COL23A1: variants seen among roughly 807,000 people sequenced by gnomAD.
COL23A1 encodes collagen alpha-1(XXIII) chain.
Under a neutral mutation model 99.3 loss-of-function variants are expected in COL23A1, and 97 were observed. That is an observed-to-expected ratio of 0.98 (90% confidence interval 0.83 to 1.16). The LOEUF is 1.16. Ranked by LOEUF, COL23A1 falls within the 50% of genes most tolerant of loss-of-function variation. The probability of loss-of-function intolerance (pLI) is 0.00; values close to 1 mark genes in which losing one functional copy is unlikely to be tolerated. For missense variants in COL23A1, 762 were observed against 757.4 expected (o/e 1.01, Z -0.07); for synonymous variants, 320 against 308.2 (o/e 1.04, Z -0.40).
chr5:178,496,616 G>A (rs1758214133), intron 2 of COL23A1, among the ~76,000 whole-genome samples: 1 of 152,198 alleles, frequency 6.6e-6, no homozygotes, highest in East Asian at 1.9e-4. Context: ...AGCTATTTAG[G>A]TAGATATGCT....
intron 2 of COL23A1, among the ~76,000 whole-genome samples, chr5:178,409,503 T>TGA (rs990651478): frequency 3.3e-5 from 5 of 152,146 alleles, no homozygotes; most frequent in African/African-American, 4.8e-5. Context: ...TGTGTGTGTG[T>TGA]GATAAAATGG....
chr5:178,380,706 G>C (rs961436787), intron 2 of COL23A1, among the ~76,000 whole-genome samples: 1 of 152,230 alleles, frequency 6.6e-6, no homozygotes, highest in South Asian at 2.1e-4. Context: ...GGACGGCCGG[G>C]ACAGAGGCAG....
chr5:178,294,892 A>C (rs1561835305), intron 3 of COL23A1, among the ~76,000 whole-genome samples: 2 of 152,374 alleles, frequency 1.3e-5, no homozygotes, highest in East Asian at 3.9e-4. Flanking sequence ...CTATAATCCC[A>C]GCACTTTGGG....
chr5:178,582,231 A>C (rs930003978), intron 1 of COL23A1, among the ~76,000 whole-genome samples: 1 of 150,740 alleles, frequency 6.6e-6, no homozygotes, highest in East Asian at 1.9e-4. Flanking sequence ...AAAAAAAAAA[A>C]AGGAAGGGAG....
At chr5:178,441,013 A>G (rs1356858628) in intron 2 of COL23A1, among the ~76,000 whole-genome samples, 3 of 152,164 alleles carry the variant, frequency 2.0e-5, no homozygotes, top group African/African-American at 7.2e-5. Flanking sequence ...AAGTTACGAA[A>G]CAGATTTCAA....
chr5:178,238,611 A>G lies in COL23A1; in HGVS notation c.*87T>C, dbSNP rs1013562164. 13 of 1,553,226 alleles carry G rather than the reference A, an allele frequency of 8.4e-6. No homozygotes were observed. Among genetic ancestry groups the G allele is most frequent in the Non-Finnish European group, 1.2e-5 (13 of 1,128,178 alleles). ...AAGGCCACAGGTAGCGCATTCCATG[A>G]AAAAAGATCAATATATTACTGTTTT... On this transcript the variant is annotated 3_prime_UTR_variant, in exon 29 of 29. Coordinates refer to ENST00000390654, the MANE Select transcript of COL23A1 (RefSeq NM_173465.4).
chr5:178,590,186 G>A lies in COL23A1; in HGVS notation c.12C>T (p.Gly4=), dbSNP rs1486404370. MGP[G]ERAGGGGDAG... ...CGTCGCCGCCGCCACCGGCGCGCTC[G>A]CCTGGGCCCATGGCGCGTTCGTCGC... The change falls in exon 1 of 29, where the codon GGC becomes GGT. Residue 4 remains glycine (G), a synonymous_variant. Coordinates refer to ENST00000390654, the MANE Select transcript of COL23A1 (RefSeq NM_173465.4). The surrounding 1 kb of genome is among the most constrained non-coding windows in gnomAD (Gnocchi z 5.7). 2.5e-6 allele frequency: 3 copies of A among 1,215,790 alleles called. No homozygotes were observed. The highest frequency in any genetic ancestry group is 3.1e-6 in the Non-Finnish European group (3 of 980,850). The allele number at this position is 1,215,790 out of a possible 1,614,324, so 75.3% of individuals were successfully genotyped here.
At chr5:178,583,285 C>A (rs574590693) in intron 1 of COL23A1, among the ~76,000 whole-genome samples, 1 of 152,224 alleles carries the variant, frequency 6.6e-6, no homozygotes, top group South Asian at 2.1e-4. Flanking sequence ...GAGTTTCATG[C>A]CACTGAGGTG....
intron 2 of COL23A1, among the ~76,000 whole-genome samples, chr5:178,512,621 G>A (rs1008128391): frequency 5.3e-5 from 8 of 152,174 alleles, no homozygotes; most frequent in African/African-American, 1.2e-4. Context: ...TGCCCTGGGC[G>A]GCACCCTCTC....
intron 1 of COL23A1, among the ~76,000 whole-genome samples, chr5:178,572,966 T>C (rs73804312): frequency 0.018 from 2,742 of 152,266 alleles, 75 homozygotes; most frequent in African/African-American, 0.061. Flanking sequence ...AAAGAGTGTG[T>C]TATTCCACCC....
chr5:178,265,504 A>C (rs1581483248), intron 8 of COL23A1, among the ~76,000 whole-genome samples: 1 of 152,148 alleles, frequency 6.6e-6, no homozygotes, highest in African/African-American at 2.4e-5. Context: ...ACTGGAGCAG[A>C]TCCTGGGAGA....
In COL23A1 at chr5:178,468,311, G is replaced by A. The variant is rs1421165788; in HGVS notation, c.361+92371C>T. Reference sequence around the variant, plus strand: ...AGGTCTAAATCCAAGCTCATTAATAGGCCAGAGGGTGAGAGAGAACACGGA... The same window carrying A: ...AGGTCTAAATCCAAGCTCATTAATAAGCCAGAGGGTGAGAGAGAACACGGA... On this transcript the variant is annotated intron_variant, in intron 2 of 28. Transcript: ENST00000390654. This position sits in a 1 kb window ranked among gnomAD's most constrained non-coding sequence, Gnocchi z 4.2. Among the ~76,000 whole-genome samples, 2 of 152,054 alleles carry A rather than the reference G, an allele frequency of 1.3e-5. No homozygotes were observed. Among genetic ancestry groups the A allele is most frequent in the African/African-American group, 4.8e-5 (2 of 41,380 alleles).
Position 178,590,277 on chromosome 5 carries a change from C to G in COL23A1, c.-80G>C. ...CTGGGTGCGAGAGGAGCAGGCGGGACAGCCCGAGGCACGAGGTCCGCCGGG... is the reference window on the plus strand; with the variant it reads ...CTGGGTGCGAGAGGAGCAGGCGGGAGAGCCCGAGGCACGAGGTCCGCCGGG... On this transcript the variant is annotated 5_prime_UTR_variant, in exon 1 of 29. Transcript: ENST00000390654. This position sits in a 1 kb window ranked among gnomAD's most constrained non-coding sequence, Gnocchi z 5.7. The G allele has an allele frequency of 8.8e-7, 1 of 1,141,224 alleles. No individual in the cohort carries two copies. Among genetic ancestry groups the G allele is most frequent in the Non-Finnish European group, 1.1e-6 (1 of 922,992 alleles). The allele number at this position is 1,141,224 out of a possible 1,614,324, so 70.7% of individuals were successfully genotyped here. A position where few individuals can be genotyped will look rare whatever the true frequency, so the allele number is the denominator to read the frequency against.
At chr5:178,287,573 C>T (rs1188175942) in intron 5 of COL23A1, among the ~76,000 whole-genome samples, 2 of 151,920 alleles carry the variant, frequency 1.3e-5, no homozygotes, top group Non-Finnish European at 2.9e-5. Context: ...CCACCGCTCT[C>T]TATCACCAGC....
chr5:178,502,746 G>A (rs558230201), intron 2 of COL23A1, among the ~76,000 whole-genome samples: 1 of 152,318 alleles, frequency 6.6e-6, no homozygotes, highest in South Asian at 2.1e-4. Context: ...GTCCAGCAAC[G>A]CCACTTCTGG....
intron 2 of COL23A1, among the ~76,000 whole-genome samples, chr5:178,407,352 G>A (rs1170007883): frequency 4.6e-5 from 7 of 152,242 alleles, no homozygotes; most frequent in African/African-American, 1.4e-4. Flanking sequence ...CATGGTGTCG[G>A]AGGGGGCCAG....
chr5:178,416,893 TG>T (rs1765341727), intron 2 of COL23A1, among the ~76,000 whole-genome samples: 1 of 152,124 alleles, frequency 6.6e-6, no homozygotes, highest in South Asian at 2.1e-4. Flanking sequence ...CACAGGATGA[TG>T]GCAAAGCCTC....
intron 2 of COL23A1, among the ~76,000 whole-genome samples, chr5:178,471,769 C>A (rs999175246): frequency 7.9e-5 from 12 of 152,098 alleles, no homozygotes; most frequent in African/African-American, 2.7e-4. Context: ...AGCTAGAGAC[C>A]AGCCCTGTAG....
chr5:178,363,626 C>CGGG (rs1184822122), intron 2 of COL23A1, among the ~76,000 whole-genome samples: 15 of 152,198 alleles, frequency 9.9e-5, no homozygotes, highest in Admixed American at 1.3e-4. Context: ...GAATTAAACA[C>CGGG]TCCCTCGACC....
Sources: gnomAD v4.1 joint callset for allele counts (sites outside exome capture counted in the v4.1 genomes callset) on GRCh38, gnomAD v4.1.1 for gene constraint, Gnocchi (gnomAD v3.1) non-coding constraint, MANE v1.5 for transcripts, NCBI Gene and HGNC (gene_info 2026-07-23, HGNC 2026-07-21) for gene names.